TOLLIP: variants seen among roughly 807,000 people sequenced by gnomAD.
The protein encoded by TOLLIP is toll interacting protein, also known as toll-interacting protein.
Under a neutral mutation model 33.5 loss-of-function variants are expected in TOLLIP, and 16 were observed. The ratio of observed to expected loss-of-function variants is 0.48; its 90% CI spans 0.32 to 0.72. The LOEUF (loss-of-function observed/expected upper bound fraction) is 0.72, where lower values mean the gene tolerates loss of function less well. Among genes scored for constraint, TOLLIP ranks in the 30% least tolerant of loss-of-function variants. The pLI is 0.03. For missense variants in TOLLIP, 325 were observed against 396.6 expected (o/e 0.82, Z 1.53); for synonymous variants, 176 against 163.7 (o/e 1.07, Z -0.57).
intron 1 of TOLLIP, among the ~76,000 whole-genome samples, chr11:1,301,576 G>T (rs547030760): frequency 4.6e-5 from 7 of 152,254 alleles, no homozygotes; most frequent in African/African-American, 1.7e-4. Flanking sequence ...AACCCCAGAA[G>T]TTTCCTCCCC....
rs959394584 is a variant in TOLLIP, at chr11:1,290,215, C to T, written c.366+12G>A. 5.6e-6 allele frequency: 9 copies of T among 1,610,152 alleles called. No individual in the cohort carries two copies. The highest frequency in any genetic ancestry group is 5.5e-5 in the South Asian group (5 of 90,996). On this transcript the variant is annotated intron_variant, in intron 3 of 5. Coordinates refer to ENST00000317204, the MANE Select transcript of TOLLIP (RefSeq NM_019009.4). This position sits in a 1 kb window ranked among gnomAD's most constrained non-coding sequence, Gnocchi z 4.9. ...CGTGCAGCCTCCATAATAGCTGGCA[C>T]GTCCCTCTCACCTCATCGAAGATCT...
At position 1,295,780 on chromosome 11, in the gene TOLLIP, C is replaced by T; in HGVS notation, c.48G>A (p.Glu16=). 1 of 1,580,018 alleles carries T rather than the reference C, an allele frequency of 6.3e-7. No homozygotes were observed. Among genetic ancestry groups the T allele is most frequent in the Non-Finnish European group, 8.6e-7 (1 of 1,162,990 alleles). Residue 16 remains glutamate, a synonymous_variant, in exon 2 of 6, where the codon GAG becomes GAA. Coordinates refer to ENST00000317204, the MANE Select transcript of TOLLIP (RefSeq NM_019009.4). ...STQRGPVYIG[E]LPQDFLRITP... is the part of the protein sequence containing the mutation. ...TGATGCGGAGGAAGTCCTGCGGGAG[C>T]TCACCGATGTACACCTGCGGGGCCG...
In TOLLIP at chr11:1,288,660, G is replaced by C. The variant is rs1368304720; in HGVS notation, c.483C>G (p.Asp161Glu). 6.2e-7 allele frequency: 1 copy of C among 1,612,792 alleles called. No homozygotes were observed. Among genetic ancestry groups the C allele is most frequent in the Admixed American group, 1.7e-5 (1 of 60,002 alleles). ...TGACGAGGTTGATCATGCCCTCCTTGTCGTCCCCCTGCCTCCCGCTCAGGC... is the reference window on the plus strand; with the variant it reads ...TGACGAGGTTGATCATGCCCTCCTTCTCGTCCCCCTGCCTCCCGCTCAGGC... Reference protein sequence around the residue: ...WYSLSGRQGDDKEGMINLVMS... With the variant: ...WYSLSGRQGDEKEGMINLVMS... The change falls in exon 4 of 6, where the codon GAC (aspartate) becomes GAG (glutamate). Residue 161 changes from aspartate to glutamate, a missense_variant. Asp to Glu is a conservative substitution (Grantham distance 45, BLOSUM62 2). Coordinates refer to ENST00000317204, the MANE Select transcript of TOLLIP (RefSeq NM_019009.4).
At chr11:1,302,907 C>CGGAA in intron 1 of TOLLIP, 1 of 455,590 alleles carries the variant, frequency 2.2e-6, no homozygotes, top group Non-Finnish European at 2.9e-6. Flanking sequence ...TCTCCCCTTC[C>CGGAA]GGGGCCTTCC....
intron 1 of TOLLIP, among the ~76,000 whole-genome samples, chr11:1,305,313 G>T (rs1045395887): frequency 6.6e-6 from 1 of 152,216 alleles, no homozygotes; most frequent in Non-Finnish European, 1.5e-5. Context: ...CAGCAGGAAC[G>T]GACGCCCTCC....
intron 2 of TOLLIP, among the ~76,000 whole-genome samples, chr11:1,295,217 C>G (rs1280733295): frequency 6.6e-6 from 1 of 152,238 alleles, no homozygotes; most frequent in Non-Finnish European, 1.5e-5. Flanking sequence ...GGGCCGGCCC[C>G]GAGGCTGACC....
rs1333280977 is a variant in TOLLIP, at chr11:1,309,560, GC to G, written c.-63del. 3.8e-6 allele frequency: 4 copies of G among 1,048,992 alleles called. No homozygotes were observed. The highest frequency in any genetic ancestry group is 4.9e-6 in the Non-Finnish European group (4 of 811,304). 65.0% of individuals were successfully genotyped at this position (1,048,992 alleles called of 1,614,324 possible). ...AGTGACGCGCCGGGCGACCTCCTGCGCCCCCGCCGGAGCCTGCGACGGAGAC... is the reference window on the plus strand; with the variant it reads ...AGTGACGCGCCGGGCGACCTCCTGCGCCCCGCCGGAGCCTGCGACGGAGAC... On this transcript the variant is annotated 5_prime_UTR_variant, in exon 1 of 6. Coordinates refer to ENST00000317204, the MANE Select transcript of TOLLIP (RefSeq NM_019009.4).
chr11:1,278,946 A>G lies in TOLLIP; in HGVS notation c.611-1693T>C, dbSNP rs1179667041. Among the ~76,000 whole-genome samples the G allele has an allele frequency of 6.6e-6, 1 of 152,120 alleles. No individual in the cohort carries two copies. The highest frequency in any genetic ancestry group is 2.4e-5 in the African/African-American group (1 of 41,430). On this transcript the variant is annotated intron_variant, in intron 5 of 5. Coordinates refer to ENST00000317204, the MANE Select transcript of TOLLIP (RefSeq NM_019009.4). This position sits in a 1 kb window ranked among gnomAD's most constrained non-coding sequence, Gnocchi z 4.7. ...CCTGTCCCTGCCCATACAGCTCCCC[A>G]CAGCATGGCAACAAGAGGAATGGGG...
intron 1 of TOLLIP, among the ~76,000 whole-genome samples, chr11:1,307,121 G>C (rs5743867): frequency 6.6e-6 from 1 of 152,080 alleles, no homozygotes; most frequent in African/African-American, 2.4e-5. Context: ...TGGCCATCCT[G>C]AACGCCACAG....
chr11:1,279,266 G>A (rs1016012511), intron 5 of TOLLIP, among the ~76,000 whole-genome samples: 10 of 152,364 alleles, frequency 6.6e-5, no homozygotes, highest in Non-Finnish European at 8.8e-5. Flanking sequence ...ACCCCCGGGG[G>A]AAGAGGTGGG....
chr11:1,278,568 C>T lies in TOLLIP; in HGVS notation c.611-1315G>A, dbSNP rs1017520751. Reference sequence around the variant, plus strand: ...CTCAGCAAGGAAGGCCACCGCTTCCCGGCTCCTTCTAGGCCAGGCCGACTC... The same window carrying T: ...CTCAGCAAGGAAGGCCACCGCTTCCTGGCTCCTTCTAGGCCAGGCCGACTC... On this transcript the variant is annotated intron_variant, in intron 5 of 5. Transcript: ENST00000317204. The surrounding 1 kb of genome is among the most constrained non-coding windows in gnomAD (Gnocchi z 4.7). Among the ~76,000 whole-genome samples the T allele has an allele frequency of 1.3e-5, 2 of 152,164 alleles. No homozygotes were observed. Among genetic ancestry groups the T allele is most frequent in the Non-Finnish European group, 1.5e-5 (1 of 68,044 alleles).
At chr11:1,299,479 AT>A (rs1864204390) in intron 1 of TOLLIP, among the ~76,000 whole-genome samples, 1 of 152,198 alleles carries the variant, frequency 6.6e-6, no homozygotes, top group African/African-American at 2.4e-5. Context: ...CCTTCAGTAA[AT>A]GTCTATTTTG....
intron 2 of TOLLIP, among the ~76,000 whole-genome samples, chr11:1,292,917 A>G (rs961696377): frequency 6.6e-6 from 1 of 152,218 alleles, no homozygotes; most frequent in African/African-American, 2.4e-5. Flanking sequence ...GGGAAGAGGA[A>G]GGTCAGGAGT....
rs1243415025 is a variant in TOLLIP, at chr11:1,286,784, T to G, written c.520-692A>C. 4.6e-5 allele frequency among the ~76,000 whole-genome samples: 7 copies of G among 152,080 alleles called. No homozygotes were observed. The East Asian group carries it at 1.2e-3, about 25-fold the overall frequency. ...CTGCGGATAAGTCATTGCACTGCTG[T>G]TGTCTCTGAGTTCAAAACTGTCAAC... On this transcript the variant is annotated intron_variant, in intron 4 of 5. Coordinates refer to ENST00000317204, the MANE Select transcript of TOLLIP (RefSeq NM_019009.4).
At chr11:1,284,825 G>T (rs1863633279) in intron 5 of TOLLIP, among the ~76,000 whole-genome samples, 1 of 152,200 alleles carries the variant, frequency 6.6e-6, no homozygotes, top group South Asian at 2.1e-4. Flanking sequence ...AGGCAGTTTT[G>T]TCCGAGAATG....
At chr11:1,279,363 G>A (rs1205975138) in intron 5 of TOLLIP, among the ~76,000 whole-genome samples, 2 of 152,216 alleles carry the variant, frequency 1.3e-5, no homozygotes, top group Non-Finnish European at 2.9e-5. Flanking sequence ...GGCCTGAGCC[G>A]GCCCATCCTG....
intron 5 of TOLLIP, chr11:1,283,165 G>C: frequency 4.9e-6 from 1 of 205,230 alleles, no homozygotes; most frequent in Non-Finnish European, 1.0e-5. Flanking sequence ...GGTGGAATCT[G>C]CGGTGGTGGC....
Position 1,278,974 on chromosome 11 carries a change from C to T in TOLLIP, c.611-1721G>A, listed in dbSNP as rs544736774. Among the ~76,000 whole-genome samples, 10 of 152,176 alleles carry T rather than the reference C, an allele frequency of 6.6e-5. No individual in the cohort carries two copies. The highest frequency in any genetic ancestry group is 2.1e-4 in the South Asian group (1 of 4,826). ...GCATGGCAACAAGAGGAATGGGGCT[C>T]GGCCATCGCCTGTCCCTGCCCACAC... On this transcript the variant is annotated intron_variant, in intron 5 of 5. Transcript: ENST00000317204. This position sits in a 1 kb window ranked among gnomAD's most constrained non-coding sequence, Gnocchi z 4.7.
intron 4 of TOLLIP, among the ~76,000 whole-genome samples, chr11:1,288,306 A>G (rs1863813687): frequency 6.6e-6 from 1 of 152,168 alleles, no homozygotes; most frequent in Non-Finnish European, 1.5e-5. Context: ...CAGAGCTTGG[A>G]AGGGCTGTGG....
Sources: allele counts gnomAD v4.1 joint callset (sites outside exome capture counted in the v4.1 genomes callset), GRCh38; gene constraint gnomAD v4.1.1; non-coding constraint Gnocchi (gnomAD v3.1); transcripts MANE v1.5; gene names NCBI Gene and HGNC (gene_info 2026-07-23, HGNC 2026-07-21).